The following SH3BGRL variants were observed in gnomAD, a reference collection of about 807,000 sequenced individuals.
The protein encoded by SH3BGRL is SH3 domain binding glutamate rich protein like.
Under a neutral mutation model 9.8 loss-of-function variants are expected in SH3BGRL, and 7 were observed. The observed-to-expected ratio is 0.72, with a 90% confidence interval of 0.41 to 1.35. The LOEUF (loss-of-function observed/expected upper bound fraction) is 1.35. Among genes scored for constraint, SH3BGRL ranks in the 40% most tolerant of loss-of-function variants. SH3BGRL has a pLI of 0.01. For missense variants in SH3BGRL, 73 were observed against 84.4 expected (o/e 0.86, Z 0.53); for synonymous variants, 36 against 29.1 (o/e 1.24, Z -0.76).
chrX:81,256,072 CTCAT>C (rs908318342), intron 1 of SH3BGRL, among the ~76,000 whole-genome samples: 5 of 111,868 alleles, frequency 4.5e-5, no homozygotes, highest in Non-Finnish European at 9.4e-5. Flanking sequence ...TTCCTTACTC[CTCAT>C]TATTTCACAA....
At chrX:81,227,850 A>G (rs1446528876) in intron 1 of SH3BGRL, among the ~76,000 whole-genome samples, 1 of 111,939 alleles carries the variant, frequency 8.9e-6, no homozygotes, top group Non-Finnish European at 1.9e-5. Flanking sequence ...CCCATATGAT[A>G]ACATACTTCA....
chrX:81,241,443 G>A (rs1478054887), intron 1 of SH3BGRL, among the ~76,000 whole-genome samples: 2 of 111,978 alleles, frequency 1.8e-5, no homozygotes, highest in Non-Finnish European at 3.8e-5. Context: ...CAGAGTGATA[G>A]CTTATGGTAC....
At chrX:81,297,102 A>C in intron 3 of SH3BGRL, 93 bp from the exon 4 acceptor site, 1 of 683,136 alleles carries the variant, frequency 1.5e-6, no homozygotes, top group African/African-American at 2.1e-5. Flanking sequence ...GTTTATTCTT[A>C]GTAGTTGGAA....
At chrX:81,222,697 A>T (rs1451996190) in intron 1 of SH3BGRL, among the ~76,000 whole-genome samples, 1 of 111,269 alleles carries the variant, frequency 9.0e-6, no homozygotes, top group African/African-American at 3.3e-5. Context: ...CAGTAATGGG[A>T]TGGCTGGGTC....
At chrX:81,239,485 A>G (rs1249894679) in intron 1 of SH3BGRL, among the ~76,000 whole-genome samples, 1 of 111,957 alleles carries the variant, frequency 8.9e-6, no homozygotes, top group Non-Finnish European at 1.9e-5. Flanking sequence ...CAGTCATAGG[A>G]GACAAAAGAA....
chrX:81,249,236 T>C (rs2075701445), intron 1 of SH3BGRL, among the ~76,000 whole-genome samples: 1 of 112,850 alleles, frequency 8.9e-6, no homozygotes, highest in Non-Finnish European at 1.9e-5. Flanking sequence ...GAGTGCTTGA[T>C]TGAATAATTC....
chrX:81,228,465 A>C (rs773241825), intron 1 of SH3BGRL, among the ~76,000 whole-genome samples: 1 of 112,090 alleles, frequency 8.9e-6, no homozygotes, highest in Admixed American at 9.4e-5. Context: ...GTAGAGACCA[A>C]AGTTTTCTCA....
At chrX:81,211,961 A>G (rs779179968) in intron 1 of SH3BGRL, among the ~76,000 whole-genome samples, 1 of 111,980 alleles carries the variant, frequency 8.9e-6, no homozygotes, top group Non-Finnish European at 1.9e-5. Context: ...TTGGAAATTT[A>G]TTACTAAAAA....
intron 3 of SH3BGRL, among the ~76,000 whole-genome samples, chrX:81,286,588 C>T (rs2075835199): frequency 9.3e-6 from 1 of 107,979 alleles, no homozygotes; most frequent in African/African-American, 3.4e-5. Context: ...AGATAGGCAC[C>T]TCAGGTACAT....
intron 3 of SH3BGRL, among the ~76,000 whole-genome samples, chrX:81,283,779 C>T (rs2075825462): frequency 9.0e-6 from 1 of 110,967 alleles, no homozygotes; most frequent in Admixed American, 9.6e-5. Flanking sequence ...TGCCCACTGT[C>T]ACCACTACTC....
chrX:81,266,137 G>T (rs566521938), intron 1 of SH3BGRL, among the ~76,000 whole-genome samples: 1 of 111,423 alleles, frequency 9.0e-6, no homozygotes, highest in East Asian at 2.8e-4. Context: ...ATTTTCTCCC[G>T]TTCTGTAGGT....
chrX:81,240,405 CAG>C (rs2075664425), intron 1 of SH3BGRL, among the ~76,000 whole-genome samples: 1 of 111,788 alleles, frequency 8.9e-6, no homozygotes, highest in African/African-American at 3.3e-5. Flanking sequence ...GGCATGCCAA[CAG>C]TGAACAATCT....
intron 3 of SH3BGRL, among the ~76,000 whole-genome samples, chrX:81,286,903 T>C (rs1338603415): frequency 2.7e-5 from 3 of 111,590 alleles, no homozygotes; most frequent in Non-Finnish European, 5.7e-5. Context: ...ACATATTTGA[T>C]ATATAAAATA....
chrX:81,237,660 G>A (rs780982611), intron 1 of SH3BGRL, among the ~76,000 whole-genome samples: 21 of 110,350 alleles, frequency 1.9e-4, no homozygotes, highest in Non-Finnish European at 3.4e-4. Flanking sequence ...AGGCAGGCTA[G>A]GCTACAAGGG....
chrX:81,258,439 A>G (rs749547622), intron 1 of SH3BGRL, among the ~76,000 whole-genome samples: 1 of 112,456 alleles, frequency 8.9e-6, no homozygotes, highest in East Asian at 2.8e-4. Flanking sequence ...AATAACATGA[A>G]CATTTCCATG....
chrX:81,258,527 A>T (rs1453051804), intron 1 of SH3BGRL, among the ~76,000 whole-genome samples: 1 of 112,588 alleles, frequency 8.9e-6, no homozygotes, highest in African/African-American at 3.2e-5. Context: ...TTTCCAAGGC[A>T]TATGATAGTG....
chrX:81,220,789 G>A (rs1443182667), intron 1 of SH3BGRL, among the ~76,000 whole-genome samples: 1 of 109,754 alleles, frequency 9.1e-6, no homozygotes, highest in Non-Finnish European at 1.9e-5. Context: ...ATATTTCACT[G>A]TATCTTATAG....
At chrX:81,278,515 G>A in intron 3 of SH3BGRL, 104 bp downstream of exon 3, 2 of 516,984 alleles carry the variant, frequency 3.9e-6, no homozygotes, top group Non-Finnish European at 6.2e-6. Flanking sequence ...TTAAGTCAGA[G>A]ACAATCCTTT....
intron 1 of SH3BGRL, among the ~76,000 whole-genome samples, chrX:81,251,153 T>A (rs2075709031): frequency 8.9e-6 from 1 of 112,249 alleles, no homozygotes; most frequent in African/African-American, 3.2e-5. Flanking sequence ...TTACTCGTAT[T>A]TTAATGGATT....
Sources: allele counts gnomAD v4.1 joint callset (sites outside exome capture counted in the v4.1 genomes callset), GRCh38; gene constraint gnomAD v4.1.1; transcripts MANE v1.5; gene names NCBI Gene and HGNC (gene_info 2026-07-23, HGNC 2026-07-21).